PTPRG: variants seen among roughly 807,000 people sequenced by gnomAD.
PTPRG encodes the protein receptor-type tyrosine-protein phosphatase gamma.
PTPRG carries 102 observed loss-of-function variants against 165.3 expected under a neutral mutation model. That is an observed-to-expected ratio of 0.62 (90% CI 0.53 to 0.73). PTPRG has a LOEUF of 0.73. PTPRG is among the 30% of genes least tolerant of loss of function. The probability of loss-of-function intolerance (pLI) is 0.00; values close to 1 mark genes in which losing one functional copy is unlikely to be tolerated. For synonymous variants in PTPRG, 675 were observed against 669.5 expected (o/e 1.01, Z -0.13); for missense variants, 1,866 against 1,861.4 (o/e 1.00, Z -0.05).
intron 1 of PTPRG, among the ~76,000 whole-genome samples, chr3:61,710,103 A>T (rs552653840): frequency 6.6e-6 from 1 of 152,214 alleles, no homozygotes; most frequent in African/African-American, 2.4e-5. Context: ...AGTTTGAGCC[A>T]TAGGTTTGTT....
In PTPRG at chr3:62,203,585, A is replaced by T; in HGVS notation, c.1790A>T (p.Glu597Val). ...ESEDGEREHE[E>V]DGEKDSEKKE... Reference sequence around the variant, plus strand: ...GAGGATGGGGAGCGGGAGCACGAGGAGGATGGAGAGAAGGACTCCGAAAAG... The same window carrying T: ...GAGGATGGGGAGCGGGAGCACGAGGTGGATGGAGAGAAGGACTCCGAAAAG... Residue 597 changes from glutamate to valine, a missense_variant, in exon 12 of 30, where the codon GAG becomes GTG. Coordinates refer to ENST00000474889, the MANE Select transcript of PTPRG (RefSeq NM_002841.4). This position sits in a 1 kb window ranked among gnomAD's most constrained non-coding sequence, Gnocchi z 6.4. 6.4e-7 allele frequency: 1 copy of T among 1,552,542 alleles called. No homozygotes were observed. The highest frequency in any genetic ancestry group is 2.4e-5 in the East Asian group (1 of 40,958).
chr3:61,714,144 T>A (rs904156106), intron 1 of PTPRG, among the ~76,000 whole-genome samples: 2 of 152,214 alleles, frequency 1.3e-5, no homozygotes, highest in African/African-American at 2.4e-5. Context: ...TGTGCCATAT[T>A]TCTGCAAACC....
intron 2 of PTPRG, among the ~76,000 whole-genome samples, chr3:61,817,156 A>G (rs1381723253): frequency 8.5e-6 from 1 of 117,574 alleles, no homozygotes; most frequent in Non-Finnish European, 1.6e-5. Context: ...CATATATATA[A>G]TATATAATAT....
At chr3:61,898,868 T>C (rs1226478244) in intron 2 of PTPRG, among the ~76,000 whole-genome samples, 1 of 152,134 alleles carries the variant, frequency 6.6e-6, no homozygotes, top group Non-Finnish European at 1.5e-5. Flanking sequence ...ATAAGTAACA[T>C]TGTGTCCCTG....
intron 21 of PTPRG, 72 bp from the exon 22 acceptor site, chr3:62,272,873 TG>T: frequency 7.1e-7 from 1 of 1,406,216 alleles, no homozygotes; most frequent in Non-Finnish European, 9.4e-7. Context: ...GGGTTTAGAT[TG>T]GAATTTTTCG....
At chr3:61,972,251 T>C (rs1417592702) in intron 2 of PTPRG, among the ~76,000 whole-genome samples, 1 of 152,176 alleles carries the variant, frequency 6.6e-6, no homozygotes, top group African/African-American at 2.4e-5. Context: ...GACAGCAAGG[T>C]GGCCTGTTTG....
chr3:61,687,784 C>G (rs2107140208), intron 1 of PTPRG, among the ~76,000 whole-genome samples: 1 of 152,268 alleles, frequency 6.6e-6, no homozygotes, highest in East Asian at 1.9e-4. Flanking sequence ...GCAGCAATAC[C>G]TGCTCCTTTT....
chr3:62,186,980 G>C (rs1455659172), intron 8 of PTPRG, among the ~76,000 whole-genome samples: 2 of 152,216 alleles, frequency 1.3e-5, no homozygotes, highest in African/African-American at 4.8e-5. Flanking sequence ...TGTCACACAG[G>C]ACCTGTGGAC....
In PTPRG at chr3:62,120,881, T is replaced by C. The variant is rs146334649; in HGVS notation, c.616-11721T>C. On this transcript the variant is annotated intron_variant, in intron 5 of 29. Coordinates refer to ENST00000474889, the MANE Select transcript of PTPRG (RefSeq NM_002841.4). Reference sequence around the variant, plus strand: ...CCAGAAGTTGGAGTATTTTTGGAACTTTGTGTGTTCCTGGTTGGGTACCAG... The same window carrying C: ...CCAGAAGTTGGAGTATTTTTGGAACCTTGTGTGTTCCTGGTTGGGTACCAG... Among the ~76,000 whole-genome samples the C allele has an allele frequency of 2.2e-3, 337 of 152,272 alleles. 2 individuals are homozygous for C. Among genetic ancestry groups the C allele is most frequent in the African/African-American group, 7.6e-3 (315 of 41,546 alleles).
At chr3:61,774,177 A>AT (rs1184479246) in intron 2 of PTPRG, among the ~76,000 whole-genome samples, 1 of 152,202 alleles carries the variant, frequency 6.6e-6, no homozygotes, top group Non-Finnish European at 1.5e-5. Flanking sequence ...TTGAAGAAAG[A>AT]TTTTGTCAAA....
chr3:61,901,236 A>T (rs2038491336), intron 2 of PTPRG, among the ~76,000 whole-genome samples: 1 of 152,192 alleles, frequency 6.6e-6, no homozygotes, highest in African/African-American at 2.4e-5. Context: ...GTCTGTATAT[A>T]TCTGTAGTTT....
rs374085003 is a variant in PTPRG at position 61,762,439 on chromosome 3, C to T, written c.190+13457C>T. On this transcript the variant is annotated intron_variant, in intron 2 of 29. Coordinates refer to ENST00000474889, the MANE Select transcript of PTPRG (RefSeq NM_002841.4). ...CCAGCCTGGCCAACGTGGTGAAACCCGTCTCTACTAAAAATACAAAAAGTA... is the reference window on the plus strand; with the variant it reads ...CCAGCCTGGCCAACGTGGTGAAACCTGTCTCTACTAAAAATACAAAAAGTA... 3.9e-4 allele frequency among the ~76,000 whole-genome samples: 60 copies of T among 152,116 alleles called. No homozygotes were observed. In the East Asian group the frequency reaches 8.7e-3, roughly 22 times the overall value.
At chr3:62,083,163 CT>C (rs1340081186) in intron 5 of PTPRG, among the ~76,000 whole-genome samples, 3 of 151,880 alleles carry the variant, frequency 2.0e-5, no homozygotes, top group African/African-American at 7.3e-5. Flanking sequence ...AACTTCTGTT[CT>C]CTACTGTCAA....
At chr3:61,781,366 A>C (rs932320579) in intron 2 of PTPRG, among the ~76,000 whole-genome samples, 4 of 152,218 alleles carry the variant, frequency 2.6e-5, no homozygotes, top group African/African-American at 9.6e-5. Context: ...CTAGATATAA[A>C]AGAGAAAAAA....
intron 1 of PTPRG, among the ~76,000 whole-genome samples, chr3:61,649,394 C>T (rs1702288095): frequency 6.6e-6 from 1 of 152,148 alleles, no homozygotes; most frequent in South Asian, 2.1e-4. Flanking sequence ...TAGGTGCCAG[C>T]AGGTTCAGCT....
intron 1 of PTPRG, among the ~76,000 whole-genome samples, chr3:61,690,233 C>T (rs182437375): frequency 1.3e-5 from 2 of 152,196 alleles, no homozygotes; most frequent in African/African-American, 4.8e-5. Flanking sequence ...ACTATCACTT[C>T]TTGGAAATGC....
At chr3:61,666,881 G>A (rs1033957763) in intron 1 of PTPRG, among the ~76,000 whole-genome samples, 9 of 152,178 alleles carry the variant, frequency 5.9e-5, no homozygotes, top group Non-Finnish European at 1.2e-4. Context: ...GATGTCAGGT[G>A]TTTTCTTTGT....
At chr3:62,044,468 G>A (rs1201748442) in intron 4 of PTPRG, among the ~76,000 whole-genome samples, 1 of 151,986 alleles carries the variant, frequency 6.6e-6, no homozygotes, top group Non-Finnish European at 1.5e-5. Context: ...GAACCCAGGA[G>A]ACAGAGGTTG....
At chr3:61,672,589 G>GT (rs1703048189) in intron 1 of PTPRG, among the ~76,000 whole-genome samples, 5 of 55,902 alleles carry the variant, frequency 8.9e-5, no homozygotes, top group Non-Finnish European at 1.6e-4. Flanking sequence ...GCATGGCGGC[G>GT]CCGCCTGCAA....
Sources: gnomAD v4.1 joint callset for allele counts (sites outside exome capture counted in the v4.1 genomes callset) on GRCh38, gnomAD v4.1.1 for gene constraint, Gnocchi (gnomAD v3.1) non-coding constraint, MANE v1.5 for transcripts, NCBI Gene and HGNC (gene_info 2026-07-23, HGNC 2026-07-21) for gene names.